Variants in PUS10 observed in about 807,000 individuals in gnomAD.
PUS10 encodes pseudouridine synthase 10, also known as tRNA pseudouridine synthase Pus10.
PUS10 carries 59 observed loss-of-function variants against 75.0 expected under a neutral mutation model. That is an observed-to-expected ratio of 0.79 (90% CI 0.64 to 0.98). The LOEUF (loss-of-function observed/expected upper bound fraction) is 0.98. PUS10 is among the 50% of genes least tolerant of loss of function. PUS10 has a pLI of 0.00. For synonymous variants in PUS10, 219 were observed against 211.6 expected, an observed-to-expected ratio of 1.03 and a Z score of -0.30; for missense variants, 650 against 614.4, an observed-to-expected ratio of 1.06 and a Z score of -0.61.
Position 60,973,728 on chromosome 2 carries a change from G to C in PUS10, c.469-2171C>G, listed in dbSNP as rs534441641. 3.3e-5 allele frequency among the ~76,000 whole-genome samples: 5 copies of C among 152,378 alleles called. No homozygotes were observed. In the East Asian group the frequency reaches 9.6e-4, roughly 29 times the overall value. On this transcript the variant is annotated intron_variant, in intron 4 of 17. Coordinates refer to ENST00000316752, the MANE Select transcript of PUS10 (RefSeq NM_144709.4). ...AGTGAAGCCCCACCTTCAAGCCAGG[G>C]AGGGCCTGAAGCCTGGGGGCTGGGC...
chr2:60,954,250 G>T, intron 12 of PUS10, 92 bp from the exon 13 acceptor site: 1 of 1,196,546 alleles, frequency 8.4e-7, no homozygotes, highest in Non-Finnish European at 1.2e-6. Context: ...TGAAAAGTGG[G>T]TTGAGCTCTA....
At chr2:60,972,089 G>T (rs1204425623) in intron 4 of PUS10, among the ~76,000 whole-genome samples, 1 of 147,426 alleles carries the variant, frequency 6.8e-6, no homozygotes, top group Admixed American at 6.7e-5. Context: ...GGCTGGTCTC[G>T]AACTCCTGAC....
chr2:60,968,184 A>G (rs1676456256), intron 5 of PUS10, among the ~76,000 whole-genome samples: 1 of 152,156 alleles, frequency 6.6e-6, no homozygotes, highest in Non-Finnish European at 1.5e-5. Flanking sequence ...AAAATTTGAC[A>G]TTCCCCCAAA....
Position 60,947,506 on chromosome 2 carries a change from C to T in PUS10, c.1451+537G>A, listed in dbSNP as rs141636406. 9.2e-5 allele frequency among the ~76,000 whole-genome samples: 14 copies of T among 152,292 alleles called. No individual in the cohort carries two copies. The East Asian group carries it at 2.7e-3, about 29-fold the overall frequency. On this transcript the variant is annotated intron_variant, in intron 16 of 17. Transcript: ENST00000316752. ...AACTTTAAAGCTGACATTGAACTGACTGCTACCTCAGGGTTTAGAATCATT... is the reference window on the plus strand; with the variant it reads ...AACTTTAAAGCTGACATTGAACTGATTGCTACCTCAGGGTTTAGAATCATT...
rs773421832 is a variant in PUS10 at position 60,962,881 on chromosome 2, T to A, written c.733A>T (p.Thr245Ser). 2 of 1,569,654 alleles carry A rather than the reference T, an allele frequency of 1.3e-6. No homozygotes were observed. Among genetic ancestry groups the A allele is most frequent in the Non-Finnish European group, 1.7e-6 (2 of 1,164,304 alleles). The stretch of plus-strand genomic sequence containing the variant: ...AAGGCTTTCATAACTGCCATTCTAG[T>A]GAATACAGACTATATAGGGTAAAAT... ...KPAKNKQSVFTRMAVMKALNK... is the reference protein window; with the variant it reads ...KPAKNKQSVFSRMAVMKALNK... Residue 245 changes from threonine to serine, a missense_variant, in exon 9 of 18, where the codon ACT (threonine) becomes TCT (serine). Thr to Ser is a moderately conservative substitution (Grantham distance 58). Transcript: ENST00000316752.
chr2:60,944,219 C>G, intron 17 of PUS10: 1 of 985,076 alleles, frequency 1.0e-6, no homozygotes, highest in East Asian at 1.1e-4. Flanking sequence ...TCCCTGCAAC[C>G]TTGAGGGCAC....
intron 4 of PUS10, among the ~76,000 whole-genome samples, chr2:60,981,963 A>G (rs1677422115): frequency 6.6e-6 from 1 of 152,226 alleles, no homozygotes; most frequent in Non-Finnish European, 1.5e-5. Flanking sequence ...AGGAAAGTAA[A>G]GTAACAAATT....
intron 4 of PUS10, among the ~76,000 whole-genome samples, chr2:60,978,987 T>A (rs1261243091): frequency 6.6e-6 from 1 of 152,154 alleles, no homozygotes; most frequent in Non-Finnish European, 1.5e-5. Flanking sequence ...GACTCATTTA[T>A]AATAACAAAG....
At chr2:60,960,626 A>G in intron 10 of PUS10, 109 bp from the exon 11 acceptor site, 1 of 982,644 alleles carries the variant, frequency 1.0e-6, no homozygotes, top group Non-Finnish European at 1.5e-6. Flanking sequence ...CTACGATATA[A>G]AACAAGGCCT....
intron 4 of PUS10, among the ~76,000 whole-genome samples, chr2:61,004,079 TACAA>T (rs1402402761): frequency 2.0e-5 from 3 of 152,310 alleles, no homozygotes; most frequent in South Asian, 4.1e-4. Context: ...ACGTTCGTTC[TACAA>T]ACAGACAAAG....
intron 11 of PUS10, among the ~76,000 whole-genome samples, chr2:60,956,974 CAAAAA>C (rs56804354): frequency 1.0e-4 from 2 of 19,248 alleles, no homozygotes; most frequent in East Asian, 8.3e-3. Flanking sequence ...GACTCCATCT[CAAAAA>C]AAAAAAAAAA....
intron 14 of PUS10, 52 bp downstream of exon 14, chr2:60,953,881 C>A (rs1426767997): frequency 1.2e-5 from 16 of 1,379,788 alleles, no homozygotes; most frequent in Non-Finnish European, 1.7e-5. Flanking sequence ...AGATATGTGA[C>A]CTGCAACTAA....
intron 4 of PUS10, among the ~76,000 whole-genome samples, chr2:60,995,193 A>C (rs1000450792): frequency 2.0e-5 from 3 of 152,192 alleles, no homozygotes; most frequent in African/African-American, 7.2e-5. Flanking sequence ...TCATCTGTAA[A>C]ATGGAGATGA....
In PUS10 at chr2:60,948,066, G is replaced by A. The variant is rs1246239618; in HGVS notation, c.1428C>T (p.Leu476=). 2 of 1,614,128 alleles carry A rather than the reference G, an allele frequency of 1.2e-6. No homozygotes were observed. Among genetic ancestry groups the A allele is most frequent in the African/African-American group, 1.3e-5 (1 of 75,016 alleles). Residue 476 remains leucine (L), a synonymous_variant, in exon 16 of 18, where the codon CTC becomes CTT. Coordinates refer to ENST00000316752, the MANE Select transcript of PUS10 (RefSeq NM_144709.4). ...ACGTGCCAGCCTGAGTTTTCAAGTG[G>A]AGGCGGAAGTGGTGCTCATCCACGT... The part of the protein sequence containing the change: ...TQYVDEHHFR[L]HLKTQAGTYI...
At position 61,008,927 on chromosome 2, in the gene PUS10, C is replaced by A. The variant is rs371197341; in HGVS notation, c.215G>T (p.Arg72Leu). ...AATACTATCTTCCAGTTCTTGCAGT[C>A]GAATTTTCTTGGGAGGTGGGTTCAT... ...EVMNPPPKKI[R>L]LQELEDSIDN... Residue 72 changes from arginine (R) to leucine (L), a missense_variant, in exon 3 of 18, where the codon CGA (arginine) becomes CTA (leucine). By Grantham distance (102) the Arg-to-Leu change is moderately radical (BLOSUM62 -2). Transcript: ENST00000316752. The A allele has an allele frequency of 1.2e-5, 19 of 1,613,512 alleles. No homozygotes were observed. The African/African-American group carries it at 2.4e-4, about 20-fold the overall frequency.
At chr2:61,000,813 C>T (rs1225012305) in intron 4 of PUS10, among the ~76,000 whole-genome samples, 1 of 152,148 alleles carries the variant, frequency 6.6e-6, no homozygotes, top group Non-Finnish European at 1.5e-5. Flanking sequence ...TATCCTACTG[C>T]TCTAGGTCAT....
chr2:60,979,483 A>G (rs766844474), intron 4 of PUS10, among the ~76,000 whole-genome samples: 11 of 151,942 alleles, frequency 7.2e-5, no homozygotes, highest in Non-Finnish European at 1.5e-4. Context: ...TTTTCCTATA[A>G]CCACTGTTTG....
intron 4 of PUS10, among the ~76,000 whole-genome samples, chr2:60,987,381 AG>A (rs1677786764): frequency 6.6e-6 from 1 of 152,168 alleles, no homozygotes. Flanking sequence ...AATATTTGCA[AG>A]GAAGAGAGGA....
intron 1 of PUS10, among the ~76,000 whole-genome samples, chr2:61,016,938 G>C (rs578184038): frequency 6.6e-6 from 1 of 152,096 alleles, no homozygotes; most frequent in Non-Finnish European, 1.5e-5. Context: ...TTCAGCTCTG[G>C]AATCTACTGT....
Sources: allele counts gnomAD v4.1 joint callset (sites outside exome capture counted in the v4.1 genomes callset), GRCh38; gene constraint gnomAD v4.1.1; transcripts MANE v1.5; gene names NCBI Gene and HGNC (gene_info 2026-07-23, HGNC 2026-07-21).